DST: variants seen among roughly 807,000 people sequenced by gnomAD.
The protein encoded by DST is bullous pemphigoid antigen.
In DST, 253 loss-of-function variants were observed where a neutral mutation model predicts 875.2. The ratio of observed to expected loss-of-function variants is 0.29; its 90% CI spans 0.26 to 0.32. DST has a LOEUF of 0.32. Among genes scored for constraint, DST ranks in the 10% least tolerant of loss-of-function variants. The pLI is 1.00. For synonymous variants in DST, 3,124 were observed against 3,197.1 expected, an observed-to-expected ratio of 0.98 and a Z score of 0.77; for missense variants, 8,287 against 9,111.6, an observed-to-expected ratio of 0.91 and a Z score of 3.68.
chr6:56,940,457 T>C (rs533176821), intron 2 of DST, among the ~76,000 whole-genome samples: 1 of 152,172 alleles, frequency 6.6e-6, no homozygotes, highest in Non-Finnish European at 1.5e-5. Flanking sequence ...TAATAAGCCA[T>C]CTTAGTTTTA....
intron 64 of DST, among the ~76,000 whole-genome samples, chr6:56,531,225 T>G (rs2096890989): frequency 6.6e-6 from 1 of 152,326 alleles, no homozygotes; most frequent in Non-Finnish European, 1.5e-5. Flanking sequence ...GGGATTTCAC[T>G]TACTATGATT....
chr6:56,666,691 T>C (rs2099073836), intron 10 of DST, among the ~76,000 whole-genome samples: 1 of 151,496 alleles, frequency 6.6e-6, no homozygotes, highest in South Asian at 2.1e-4. Flanking sequence ...ACAAAACTTA[T>C]GGGAATAATT....
chr6:56,505,296 T>C (rs2096273849), intron 77 of DST, among the ~76,000 whole-genome samples: 1 of 152,088 alleles, frequency 6.6e-6, no homozygotes, highest in Non-Finnish European at 1.5e-5. Context: ...ATAAAGAGAC[T>C]ATACAAGCCA....
intron 9 of DST, among the ~76,000 whole-genome samples, chr6:56,699,113 A>G (rs1326616722): frequency 6.6e-6 from 1 of 152,222 alleles, no homozygotes; most frequent in Non-Finnish European, 1.5e-5. Flanking sequence ...TCGGTCCTCA[A>G]TTGGCTCAGG....
At chr6:56,538,084 G>A (rs370954059) in intron 61 of DST, among the ~76,000 whole-genome samples, 5 of 152,212 alleles carry the variant, frequency 3.3e-5, no homozygotes, top group South Asian at 2.1e-4. Flanking sequence ...CCAGGCTCAA[G>A]CCATCCTCCC....
chr6:56,473,214 T>C (rs2094983536), intron 93 of DST, among the ~76,000 whole-genome samples: 3 of 152,226 alleles, frequency 2.0e-5, no homozygotes, highest in Admixed American at 6.5e-5. Flanking sequence ...GGGCTCTTAA[T>C]AGTTTACCTT....
At chr6:56,822,593 T>G (rs1426736861) in intron 4 of DST, among the ~76,000 whole-genome samples, 1 of 152,086 alleles carries the variant, frequency 6.6e-6, no homozygotes, top group Non-Finnish European at 1.5e-5. Context: ...TCAAGAGTAT[T>G]GCCTCTGAAG....
intron 5 of DST, among the ~76,000 whole-genome samples, chr6:56,704,972 A>G (rs949218799): frequency 3.3e-5 from 5 of 152,214 alleles, no homozygotes; most frequent in Middle Eastern, 3.2e-3. Context: ...ATAACGGAAG[A>G]TTTTCAAAAC....
At chr6:56,932,088 C>A (rs563964494) in intron 2 of DST, among the ~76,000 whole-genome samples, 1 of 152,274 alleles carries the variant, frequency 6.6e-6, no homozygotes, top group East Asian at 1.9e-4. Flanking sequence ...CGAATCTCAT[C>A]TTGAATTGTA....
chr6:56,702,380 TACACACACAC>T (rs141415908), intron 7 of DST, among the ~76,000 whole-genome samples: 1 of 149,418 alleles, frequency 6.7e-6, no homozygotes, highest in East Asian at 2.0e-4. Context: ...TAACTGTATA[TACACACACAC>T]ACACACACAC....
Position 56,923,463 on chromosome 6 carries a change from C to CAAAAA in DST, c.217-22847_217-22843dup, listed in dbSNP as rs57118743. 6.2e-4 allele frequency among the ~76,000 whole-genome samples: 30 copies of CAAAAA among 48,730 alleles called. 1 individual carries two copies. Among genetic ancestry groups the CAAAAA allele is most frequent in the African/African-American group, 1.4e-3 (19 of 13,984 alleles). The allele number at this position is 48,730 out of a possible 152,430, so 32.0% of individuals were successfully genotyped here. A position where few individuals can be genotyped will look rare whatever the true frequency, so the allele number is the denominator to read the frequency against. ...GGATGCTGGTAAACCGGCTCACTGG[C>CAAAAA]AAAAAAAAAAAAAAAAAAAAAAAAA... On this transcript the variant is annotated intron_variant, in intron 2 of 103. Transcript: ENST00000680361.
In DST at chr6:56,608,555, G is replaced by A. The variant is rs1212538405; in HGVS notation, c.6073C>T (p.Leu2025Phe). 2 of 1,613,462 alleles carry A rather than the reference G, an allele frequency of 1.2e-6. No homozygotes were observed. The highest frequency in any genetic ancestry group is 2.2e-5 in the South Asian group (2 of 91,044). The change falls in exon 40 of 104, where the codon CTC becomes TTC. Residue 2025 changes from leucine to phenylalanine, a missense_variant. Leu to Phe is a conservative substitution (Grantham distance 22). Transcript: ENST00000680361. ...CCACCAGTTTGAACCTGATATGTGA[G>A]GATACTGCTAGCAGTGTCCCTGTCA... ...VIDRDTASSI[L>F]TYQVQTGGII...
intron 4 of DST, among the ~76,000 whole-genome samples, chr6:56,803,951 G>T (rs905803496): frequency 2.0e-5 from 3 of 152,246 alleles, no homozygotes; most frequent in African/African-American, 7.2e-5. Context: ...AAGAACAAAG[G>T]TCAAGGGTCA....
chr6:56,520,979 C>T (rs901216301), intron 69 of DST, among the ~76,000 whole-genome samples: 40 of 151,908 alleles, frequency 2.6e-4, no homozygotes, highest in Non-Finnish European at 5.0e-4. Context: ...TATAAGGAAA[C>T]CAAGAAACCA....
intron 4 of DST, among the ~76,000 whole-genome samples, chr6:56,836,208 T>A (rs1198340808): frequency 6.6e-6 from 1 of 152,190 alleles, no homozygotes; most frequent in Non-Finnish European, 1.5e-5. Context: ...TTTTCATAAC[T>A]ATTTCTGCAG....
Position 56,473,733 on chromosome 6 carries a change from G to A in DST, c.21994+140C>T, listed in dbSNP as rs538687147. On this transcript the variant is annotated intron_variant, in intron 93 of 103. Coordinates refer to ENST00000680361, the MANE Select transcript of DST (RefSeq NM_001374736.1). Reference sequence around the variant, plus strand: ...AAGTTTCTACAATACTTGAGCACACGTATTCCTTCTAGAAAGTATTTCATG... The same window carrying A: ...AAGTTTCTACAATACTTGAGCACACATATTCCTTCTAGAAAGTATTTCATG... 338 of 764,292 alleles carry A rather than the reference G, an allele frequency of 4.4e-4. 3 individuals are homozygous for A. In the South Asian group the frequency reaches 5.8e-3, roughly 13 times the overall value. 47.3% of individuals were successfully genotyped at this position (764,292 alleles called of 1,614,324 possible). A position where few individuals can be genotyped will look rare whatever the true frequency, so the allele number is the denominator to read the frequency against.
intron 2 of DST, among the ~76,000 whole-genome samples, chr6:56,940,468 C>A (rs1224615339): frequency 2.0e-5 from 3 of 152,050 alleles, no homozygotes; most frequent in Non-Finnish European, 4.4e-5. Context: ...CTTAGTTTTA[C>A]ATTTTTGTAG....
At chr6:56,511,744 T>C (rs1360484322) in intron 72 of DST, among the ~76,000 whole-genome samples, 1 of 152,150 alleles carries the variant, frequency 6.6e-6, no homozygotes, top group African/African-American at 2.4e-5. Flanking sequence ...CTGAACTCGC[T>C]ATGTCCCCAA....
intron 4 of DST, among the ~76,000 whole-genome samples, chr6:56,824,957 G>C (rs2099778255): frequency 6.6e-6 from 1 of 152,224 alleles, no homozygotes; most frequent in Admixed American, 6.5e-5. Context: ...ACTGGGAAGT[G>C]AGGAGCCCCT....
Sources: gnomAD v4.1 joint callset for allele counts (sites outside exome capture counted in the v4.1 genomes callset) on GRCh38, gnomAD v4.1.1 for gene constraint, MANE v1.5 for transcripts, NCBI Gene and HGNC (gene_info 2026-07-23, HGNC 2026-07-21) for gene names.